The following GOLGA8H variants were observed in gnomAD, a reference collection of about 807,000 sequenced individuals.
GOLGA8H encodes the protein golgin subfamily A member 8H.
GOLGA8H carries 47 observed loss-of-function variants against 82.7 expected under a neutral mutation model. The observed-to-expected ratio is 0.57, with a 90% CI of 0.45 to 0.73. The LOEUF (loss-of-function observed/expected upper bound fraction) is 0.73. Ranked by LOEUF, GOLGA8H falls within the 30% of genes least tolerant of loss-of-function variation. The pLI is 0.00. For missense variants in GOLGA8H, 372 were observed against 661.0 expected (o/e 0.56, Z 4.79); for synonymous variants, 108 against 241.6 (o/e 0.45, Z 5.13).
intron 2 of GOLGA8H, among the ~76,000 whole-genome samples, chr15:30,606,168 C>T (rs554140887): frequency 0.028 from 4,234 of 151,656 alleles, 127 homozygotes; most frequent in Middle Eastern, 0.054. Flanking sequence ...TCCTGGTTAA[C>T]ACGGTGAAAC....
At position 30,614,138 on chromosome 15, in the gene GOLGA8H, C is replaced by T. The variant is rs1234990319; in HGVS notation, c.1568-8C>T. The T allele has an allele frequency of 6.5e-6, 4 of 619,612 alleles. No individual in the cohort carries two copies. The African/African-American group carries it at 6.9e-5, about 11-fold the overall frequency. The allele number at this position is 619,612 out of a possible 1,614,324, so 38.4% of individuals were successfully genotyped here. A position where few individuals can be genotyped will look rare whatever the true frequency, so the allele number is the denominator to read the frequency against. ...AGCGGCATGGCAGCTGAGCACCCCT[C>T]CCTCCAGGTGAAGCTGCTGGAGCTG... On this transcript the variant is annotated splice_region_variant and splice_polypyrimidine_tract_variant and intron_variant, in intron 17 of 18. Transcript: ENST00000566740.
chr15:30,608,462 C>A lies in GOLGA8H; in HGVS notation c.397-5C>A. 1 of 1,609,672 alleles carries A rather than the reference C, an allele frequency of 6.2e-7. No individual in the cohort carries two copies. Among genetic ancestry groups the A allele is most frequent in the Non-Finnish European group, 8.5e-7 (1 of 1,179,446 alleles). On this transcript the variant is annotated splice_region_variant and splice_polypyrimidine_tract_variant and intron_variant, in intron 6 of 18. Coordinates refer to ENST00000566740, the MANE Select transcript of GOLGA8H (RefSeq NM_001282490.2). ...TTCAGCACTTGCTTGGCTTTTCTCCCAAAGGTTCAAATCCAGACATTGAAC... is the reference window on the plus strand; with the variant it reads ...TTCAGCACTTGCTTGGCTTTTCTCCAAAAGGTTCAAATCCAGACATTGAAC...
rs768201584 is a variant in GOLGA8H, at chr15:30,610,053, C to G, written c.733C>G (p.Leu245Val). ...QLERDECAEH[L>V]KGERARWQQR... ...AGAAAGAGATGAGTGTGCTGAACATCTAAAAGGAGAGAGGGCCCGGTGGCA... is the reference window on the plus strand; with the variant it reads ...AGAAAGAGATGAGTGTGCTGAACATGTAAAAGGAGAGAGGGCCCGGTGGCA... Residue 245 changes from leucine to valine, a missense_variant, in exon 10 of 19, where the codon CTA (leucine) becomes GTA (valine). Transcript: ENST00000566740. The G allele has an allele frequency of 3.7e-6, 6 of 1,611,338 alleles. No individual in the cohort carries two copies. Among genetic ancestry groups the G allele is most frequent in the South Asian group, 1.1e-5 (1 of 91,012 alleles).
chr15:30,608,430 C>T, intron 6 of GOLGA8H, 37 bp from the exon 7 acceptor site: 3 of 1,591,898 alleles, frequency 1.9e-6, no homozygotes, highest in Non-Finnish European at 2.6e-6. Context: ...GGTTTCTTTC[C>T]TTCTCTTTCA....
Position 30,614,520 on chromosome 15 carries a change from C to T in GOLGA8H, c.1858C>T (p.Pro620Ser), listed in dbSNP as rs752312040. Residue 620 changes from proline to serine, a missense_variant, in exon 19 of 19, where the codon CCA becomes TCA. Pro to Ser is a moderately conservative substitution (Grantham distance 74, BLOSUM62 -1). Transcript: ENST00000566740. ...HPGLGSNCCV[P>S]LLCWAWLPRR... ...AGGCTTGGGCAGCAACTGCTGTGTG[C>T]CATTGTTGTGCTGGGCTTGGCTGCC... is the stretch of plus-strand genomic sequence containing the variant. 4 of 1,603,772 alleles carry T rather than the reference C, an allele frequency of 2.5e-6. No individual in the cohort carries two copies. The highest frequency in any genetic ancestry group is 2.5e-6 in the Non-Finnish European group (3 of 1,179,552).
chr15:30,608,914 T>G lies in GOLGA8H; in HGVS notation c.591+158T>G, dbSNP rs375002956. ...ATGGTTTTTAGTGGCAGCCTGGGGC[T>G]GAGTCAGCTGCTGTGGGTGAGTTGG... is the stretch of plus-strand genomic sequence containing the variant. On this transcript the variant is annotated intron_variant, in intron 8 of 18. Transcript: ENST00000566740. Among the ~76,000 whole-genome samples the G allele has an allele frequency of 7.2e-4, 98 of 135,584 alleles. 1 individual carries two copies. Among genetic ancestry groups the G allele is most frequent in the African/African-American group, 2.6e-3 (92 of 34,746 alleles). 88.9% of individuals were successfully genotyped at this position (135,584 alleles called of 152,430 possible).
At chr15:30,608,604 C>A (rs774131585) in intron 7 of GOLGA8H, 43 bp from the exon 8 acceptor site, 2 of 1,604,092 alleles carry the variant, frequency 1.2e-6, no homozygotes, top group South Asian at 1.1e-5. Flanking sequence ...GACAGGTCTT[C>A]AGGGGGAGTC....
intron 1 of GOLGA8H, 44 bp from the exon 2 acceptor site, chr15:30,605,799 G>A: frequency 3.1e-6 from 5 of 1,589,842 alleles, no homozygotes; most frequent in Non-Finnish European, 4.3e-6. Context: ...GTGGCTGCAG[G>A]GGCTGACGGT....
At chr15:30,612,835 G>GCCTCACCTC in intron 14 of GOLGA8H, 163 bp downstream of exon 14, 1 of 945,776 alleles carries the variant, frequency 1.1e-6, no homozygotes. Context: ...CCTCCTGTGA[G>GCCTCACCTC]CGGGGGGTCA....
In GOLGA8H at chr15:30,608,568, C is replaced by A. The variant is rs1392652959; in HGVS notation, c.481+17C>A. ...ACTTTGAAGGTGGGAATCTGGGCAC[C>A]CTGTCATCCTTCAACCTGGCACTTT... is the stretch of plus-strand genomic sequence containing the variant. On this transcript the variant is annotated intron_variant, in intron 7 of 18. Transcript: ENST00000566740. The A allele has an allele frequency of 3.7e-6, 6 of 1,607,632 alleles. No homozygotes were observed. The South Asian group carries it at 6.6e-5, about 18-fold the overall frequency.
At chr15:30,609,004 C>G in intron 8 of GOLGA8H, among the ~76,000 whole-genome samples, 1 of 132,886 alleles carries the variant, frequency 7.5e-6, no homozygotes, top group Non-Finnish European at 1.6e-5. Context: ...CCCGCCCTTA[C>G]CTGGCTGTGG....
At position 30,613,122 on chromosome 15, in the gene GOLGA8H, T is replaced by C; in HGVS notation, c.1295T>C (p.Leu432Pro). The C allele has an allele frequency of 8.2e-7, 1 of 1,222,350 alleles. No individual in the cohort carries two copies. The highest frequency in any genetic ancestry group is 1.2e-6 in the Non-Finnish European group (1 of 866,806). 75.7% of individuals were successfully genotyped at this position (1,222,350 alleles called of 1,614,324 possible). Residue 432 changes from leucine (L) to proline (P), a missense_variant, in exon 15 of 19, where the codon CTG becomes CCG. Coordinates refer to ENST00000566740, the MANE Select transcript of GOLGA8H (RefSeq NM_001282490.2). ...LPGEGHGGEH[L>P]DSEGEEAPRP... ...CCCACAGGACACGGAGGAGAACATCTGGACAGTGAGGGGGAGGAGGCACCT... is the reference window on the plus strand; with the variant it reads ...CCCACAGGACACGGAGGAGAACATCCGGACAGTGAGGGGGAGGAGGCACCT...
intron 10 of GOLGA8H, 90 bp downstream of exon 10, chr15:30,610,196 G>T: frequency 6.4e-7 from 1 of 1,551,418 alleles, no homozygotes; most frequent in Admixed American, 1.7e-5. Flanking sequence ...AGCCAGAGGT[G>T]GTCATGGGTC....
chr15:30,615,748 C>T lies in GOLGA8H; in HGVS notation c.*1187C>T, dbSNP rs1166208371. On this transcript the variant is annotated 3_prime_UTR_variant, in exon 19 of 19. Transcript: ENST00000566740. Reference sequence around the variant, plus strand: ...TAGACCTCTTTGGCTAATACCTATTCTTCAACCACCTTGGTTACTCTGACA... The same window carrying T: ...TAGACCTCTTTGGCTAATACCTATTTTTCAACCACCTTGGTTACTCTGACA... Among the ~76,000 whole-genome samples, 1 of 129,810 alleles carries T rather than the reference C, an allele frequency of 7.7e-6. No homozygotes were observed. Among genetic ancestry groups the T allele is most frequent in the Non-Finnish European group, 1.6e-5 (1 of 61,422 alleles). 85.2% of individuals were successfully genotyped at this position (129,810 alleles called of 152,430 possible).
In GOLGA8H at chr15:30,615,199, A is replaced by G. The variant is rs1363716967; in HGVS notation, c.*638A>G. On this transcript the variant is annotated 3_prime_UTR_variant, in exon 19 of 19. Coordinates refer to ENST00000566740, the MANE Select transcript of GOLGA8H (RefSeq NM_001282490.2). Reference sequence around the variant, plus strand: ...TGGGGGAGCTTTTTAAATCTCACAGAAGAGGAAAGTGGCCTCCTCTGGCAG... The same window carrying G: ...TGGGGGAGCTTTTTAAATCTCACAGGAGAGGAAAGTGGCCTCCTCTGGCAG... 3.1e-4 allele frequency among the ~76,000 whole-genome samples: 47 copies of G among 149,962 alleles called. No homozygotes were observed. The highest frequency in any genetic ancestry group is 1.2e-3 in the African/African-American group (46 of 39,500).
chr15:30,605,854 T>C lies in GOLGA8H; in HGVS notation c.60T>C (p.Tyr20=), dbSNP rs759914491. Residue 20 remains tyrosine, a synonymous_variant, in exon 2 of 19, where the codon TAT becomes TAC. Coordinates refer to ENST00000566740, the MANE Select transcript of GOLGA8H (RefSeq NM_001282490.2). ...CTTCTTTCCAACAGTTAAAAGAATA[T>C]TGGCAGAAAAACAGCCCTAGAGTTC... The part of the protein sequence containing the change: ...LAAAKKKLKE[Y]WQKNSPRVPA... 5 of 1,585,000 alleles carry C rather than the reference T, an allele frequency of 3.2e-6. No homozygotes were observed. The South Asian group carries it at 4.5e-5, about 14-fold the overall frequency.
At chr15:30,609,765 C>A (rs1299707869) in intron 8 of GOLGA8H, 41 bp from the exon 9 acceptor site, 1 of 1,548,636 alleles carries the variant, frequency 6.5e-7, no homozygotes. Flanking sequence ...TGGAAATGCC[C>A]AGGCTCTCCA....
intron 2 of GOLGA8H, 62 bp downstream of exon 2, chr15:30,606,024 C>G (rs955818137): frequency 7.5e-5 from 117 of 1,552,812 alleles, no homozygotes; most frequent in Middle Eastern, 4.5e-4. Context: ...GAGGGTAATT[C>G]TTAAGATTGT....
At position 30,611,432 on chromosome 15, in the gene GOLGA8H, G is replaced by T. The variant is rs948988007; in HGVS notation, c.1200+86G>T. ...TTGGGAGGGGAGGTGCCAGGCCAGAGGCAGCTTCCAGCCTGGGGGCTGGTG... is the reference window on the plus strand; with the variant it reads ...TTGGGAGGGGAGGTGCCAGGCCAGATGCAGCTTCCAGCCTGGGGGCTGGTG... On this transcript the variant is annotated intron_variant, in intron 13 of 18. Coordinates refer to ENST00000566740, the MANE Select transcript of GOLGA8H (RefSeq NM_001282490.2). The T allele has an allele frequency of 3.3e-6, 5 of 1,508,342 alleles. No homozygotes were observed. In the African/African-American group the frequency reaches 5.6e-5, roughly 17 times the overall value. The allele number at this position is 1,508,342 out of a possible 1,614,324, so 93.4% of individuals were successfully genotyped here.
Sources: gnomAD v4.1 joint callset for allele counts (sites outside exome capture counted in the v4.1 genomes callset) on GRCh38, gnomAD v4.1.1 for gene constraint, MANE v1.5 for transcripts, NCBI Gene and HGNC (gene_info 2026-07-23, HGNC 2026-07-21) for gene names.